The following TMEM44 variants were observed in gnomAD, a reference collection of about 807,000 sequenced individuals.
The protein encoded by TMEM44 is transmembrane protein 44.
A neutral mutation model predicts 47.8 loss-of-function variants in TMEM44; 43 were observed. The ratio of observed to expected loss-of-function variants is 0.90; its 90% CI spans 0.70 to 1.16. The LOEUF (loss-of-function observed/expected upper bound fraction) is 1.16, where lower values mean the gene tolerates loss of function less well. Ranked by LOEUF, TMEM44 falls within the 50% of genes most tolerant of loss-of-function variation. TMEM44 has a pLI of 0.00. For synonymous variants in TMEM44, 277 were observed against 238.8 expected (o/e 1.16, Z -1.48); for missense variants, 568 against 555.2 (o/e 1.02, Z -0.23).
intron 6 of TMEM44, 165 bp downstream of exon 6, chr3:194,616,931 AAAT>A (rs1283954001): frequency 1.4e-6 from 1 of 729,678 alleles, no homozygotes; most frequent in South Asian, 2.1e-5. Flanking sequence ...ATAAAACTAC[AAAT>A]AATTGCATTT....
intron 9 of TMEM44, among the ~76,000 whole-genome samples, chr3:194,602,412 GCCA>G (rs1327410067): frequency 6.6e-6 from 1 of 152,150 alleles, no homozygotes; most frequent in Non-Finnish European, 1.5e-5. Flanking sequence ...GACCAGCCTG[GCCA>G]ACATGGTGAA....
chr3:194,602,152 A>G (rs1187869993), intron 9 of TMEM44, among the ~76,000 whole-genome samples: 1 of 152,262 alleles, frequency 6.6e-6, no homozygotes, highest in Non-Finnish European at 1.5e-5. Flanking sequence ...AGAATGATAC[A>G]GGAATATGAA....
At chr3:194,609,392 G>A (rs1715083067) in intron 8 of TMEM44, among the ~76,000 whole-genome samples, 2 of 152,176 alleles carry the variant, frequency 1.3e-5, no homozygotes, top group South Asian at 2.1e-4. Flanking sequence ...TTACCCAGAG[G>A]AGCCAGCAGA....
intron 5 of TMEM44, 80 bp from the exon 6 acceptor site, chr3:194,617,349 C>T (rs112217636): frequency 3.4e-4 from 487 of 1,415,768 alleles, no homozygotes; most frequent in Non-Finnish European, 3.5e-4. Context: ...CAGCAGGTTG[C>T]GGGGCAAGCC....
chr3:194,610,874 C>T, intron 8 of TMEM44, 42 bp downstream of exon 8: 1 of 1,568,564 alleles, frequency 6.4e-7, no homozygotes, highest in Non-Finnish European at 8.7e-7. Flanking sequence ...ATGACTGCTT[C>T]CCATCCTCTC....
chr3:194,617,085 C>A lies in TMEM44; in HGVS notation c.783+14G>T, dbSNP rs1195997709. On this transcript the variant is annotated intron_variant, in intron 6 of 9. Coordinates refer to ENST00000347147, the MANE Select transcript of TMEM44 (RefSeq NM_001011655.3). ...GGCTGCAAGCAGGGAGCTCCCCAGG[C>A]CTGGGGTGGATACAGCGAGGTCCAG... The A allele has an allele frequency of 1.3e-6, 2 of 1,495,358 alleles. No individual in the cohort carries two copies. The highest frequency in any genetic ancestry group is 2.3e-5 in the Admixed American group (1 of 43,712). The allele number at this position is 1,495,358 out of a possible 1,614,324, so 92.6% of individuals were successfully genotyped here.
At chr3:194,623,167 C>G in intron 5 of TMEM44, 57 bp downstream of exon 5, 3 of 1,517,208 alleles carry the variant, frequency 2.0e-6, no homozygotes, top group Non-Finnish European at 2.7e-6. Context: ...CAGGATGCTC[C>G]CAGATGCCCT....
chr3:194,631,627 A>C (rs750336141), intron 1 of TMEM44, among the ~76,000 whole-genome samples: 66 of 152,272 alleles, frequency 4.3e-4, no homozygotes, highest in Non-Finnish European at 8.5e-4. Context: ...CTCCCATTTG[A>C]GAGGACAAAA....
intron 3 of TMEM44, among the ~76,000 whole-genome samples, chr3:194,625,429 T>C (rs1308876222): frequency 2.2e-5 from 1 of 44,488 alleles, no homozygotes; most frequent in African/African-American, 1.0e-4. Context: ...TCCTTCTTTT[T>C]TGGGGGGGGG....
At chr3:194,594,942 T>G (rs1773178) in intron 9 of TMEM44, among the ~76,000 whole-genome samples, 47,096 of 152,054 alleles carry the variant, frequency 0.31, 9,015 homozygotes, top group Non-Finnish European at 0.44. Flanking sequence ...CTAATGATAG[T>G]GTGCCTAAGG....
At position 194,592,993 on chromosome 3, in the gene TMEM44, AGC is replaced by A. The variant is rs200462923; in HGVS notation, c.1177-4356_1177-4355del. 3,968 of 1,608,654 alleles carry A rather than the reference AGC, an allele frequency of 2.5e-3. 66 individuals carry two copies. Among genetic ancestry groups the A allele is most frequent in the African/African-American group, 0.023 (1,751 of 74,918 alleles). On this transcript the variant is annotated intron_variant, in intron 9 of 9. Coordinates refer to ENST00000347147, the MANE Select transcript of TMEM44 (RefSeq NM_001011655.3). ...CTAACAAAAACAGGAACTGAAATCAAGCCATAGGAAGTCCCTCCTGGAAGAGA... is the reference window on the plus strand; with the variant it reads ...CTAACAAAAACAGGAACTGAAATCAACATAGGAAGTCCCTCCTGGAAGAGA...
intron 7 of TMEM44, among the ~76,000 whole-genome samples, chr3:194,612,904 T>G (rs186061343): frequency 0.016 from 2,451 of 152,218 alleles, 63 homozygotes; most frequent in African/African-American, 0.056. Context: ...CGCCCGCCTC[T>G]GCCTCCCAAA....
chr3:194,603,925 C>G (rs1714456728), intron 9 of TMEM44, among the ~76,000 whole-genome samples: 1 of 152,062 alleles, frequency 6.6e-6, no homozygotes. Context: ...GCAATCTCGG[C>G]TCACTGCAAC....
At chr3:194,629,034 T>G (rs1428104685) in intron 1 of TMEM44, among the ~76,000 whole-genome samples, 1 of 151,814 alleles carries the variant, frequency 6.6e-6, no homozygotes, top group African/African-American at 2.4e-5. Context: ...TGTGGTGGCG[T>G]GCGCCTGTAA....
chr3:194,590,196 A>G (rs1291635746), intron 9 of TMEM44: 1 of 152,232 alleles, frequency 6.6e-6, no homozygotes, highest in African/African-American at 2.4e-5. Flanking sequence ...CAGTGATAAA[A>G]CACAAATTGT....
intron 5 of TMEM44, among the ~76,000 whole-genome samples, chr3:194,621,049 G>T (rs1031410311): frequency 1.3e-5 from 2 of 149,328 alleles, no homozygotes; most frequent in Non-Finnish European, 3.0e-5. Context: ...AAAAGATGTT[G>T]AAGTCCCAAC....
In TMEM44 at chr3:194,633,138, G is replaced by C; in HGVS notation, c.78C>G (p.Val26=). The change falls in exon 1 of 10, where the codon GTC becomes GTG. Residue 26 remains valine (V), a synonymous_variant. Transcript: ENST00000347147. ...AGATCCACAGGCCGAAGGAGATGCA[G>C]ACGCGGTGGCGGGCGAAGCAGCGGT... The part of the protein sequence containing the change: ...YLDRCFARHR[V]CISFGLWICA... 6.4e-7 allele frequency: 1 copy of C among 1,551,536 alleles called. No individual in the cohort carries two copies. Among genetic ancestry groups the C allele is most frequent in the Non-Finnish European group, 8.7e-7 (1 of 1,148,064 alleles).
At chr3:194,615,471 G>T in intron 7 of TMEM44, 98 bp downstream of exon 7, 1 of 1,499,510 alleles carries the variant, frequency 6.7e-7, no homozygotes, top group Non-Finnish European at 9.0e-7. Flanking sequence ...TCGGCAGGCA[G>T]CTTTCACACG....
At chr3:194,627,581 G>A (rs191247054) in intron 2 of TMEM44, among the ~76,000 whole-genome samples, 17 of 152,320 alleles carry the variant, frequency 1.1e-4, no homozygotes, top group Admixed American at 1.0e-3. Context: ...TATGTATTGG[G>A]CACCTACTAG....
Sources: gnomAD v4.1 joint callset for allele counts (sites outside exome capture counted in the v4.1 genomes callset) on GRCh38, gnomAD v4.1.1 for gene constraint, MANE v1.5 for transcripts, NCBI Gene and HGNC (gene_info 2026-07-23, HGNC 2026-07-21) for gene names.